The following PRKN variants were observed in gnomAD, a reference collection of about 807,000 sequenced individuals.
The protein encoded by PRKN is parkin RBR E3 ubiquitin protein ligase, also known as E3 ubiquitin-protein ligase parkin.
A neutral mutation model predicts 59.5 loss-of-function variants in PRKN; 56 were observed. The ratio of observed to expected loss-of-function variants is 0.94; its 90% CI spans 0.76 to 1.18. The LOEUF is 1.18. Ranked by LOEUF, PRKN falls within the 50% of genes most tolerant of loss-of-function variation. The probability of loss-of-function intolerance (pLI) is 0.00; values close to 1 mark genes in which losing one functional copy is unlikely to be tolerated. For missense variants in PRKN, 657 were observed against 596.4 expected, an observed-to-expected ratio of 1.10 and a Z score of -1.06; for synonymous variants, 250 against 222.1, an observed-to-expected ratio of 1.13 and a Z score of -1.12.
intron 1 of PRKN, among the ~76,000 whole-genome samples, chr6:162,491,655 C>T (rs907501470): frequency 1.3e-5 from 2 of 152,180 alleles, no homozygotes; most frequent in African/African-American, 4.8e-5. Context: ...GCAGCTGGCT[C>T]AGGGGGTCAG....
At chr6:161,650,567 G>A (rs895546500) in intron 7 of PRKN, among the ~76,000 whole-genome samples, 3 of 152,128 alleles carry the variant, frequency 2.0e-5, no homozygotes, top group Non-Finnish European at 4.4e-5. Context: ...GGAGAGAGAG[G>A]CAGAGAGAAA....
rs74815340 is a variant in PRKN at position 161,825,640 on chromosome 6, G to C, written c.735-39732C>G. ...CTCCCAAGCTTGAATGAAATCTCTTGATCTTCTGGGCATGGGGTTTTGCTT... is the reference window on the plus strand; with the variant it reads ...CTCCCAAGCTTGAATGAAATCTCTTCATCTTCTGGGCATGGGGTTTTGCTT... On this transcript the variant is annotated intron_variant, in intron 6 of 11. Transcript: ENST00000366898. Among the ~76,000 whole-genome samples, 1,270 of 152,292 alleles carry C rather than the reference G, an allele frequency of 8.3e-3. 19 individuals carry two copies. Among genetic ancestry groups the C allele is most frequent in the African/African-American group, 0.029 (1,218 of 41,566 alleles).
Position 161,401,244 on chromosome 6 carries a change from G to C in PRKN, c.1084-14367C>G, listed in dbSNP as rs966499580. Among the ~76,000 whole-genome samples, 1 of 152,134 alleles carries C rather than the reference G, an allele frequency of 6.6e-6. No homozygotes were observed. The highest frequency in any genetic ancestry group is 6.6e-5 in the Admixed American group (1 of 15,264). ...CTTTCATTTGTGATAGTTCAGTCAC[G>C]TCCTGGGGAATTGAGGAGAAGATCC... On this transcript the variant is annotated intron_variant, in intron 9 of 11. Transcript: ENST00000366898. The surrounding 1 kb of genome is among the most constrained non-coding windows in gnomAD (Gnocchi z 4.4).
In PRKN at chr6:161,578,117, G is replaced by A. The variant is rs1188164131; in HGVS notation, c.872-8701C>T. On this transcript the variant is annotated intron_variant, in intron 7 of 11. Coordinates refer to ENST00000366898, the MANE Select transcript of PRKN (RefSeq NM_004562.3). The surrounding 1 kb of genome is among the most constrained non-coding windows in gnomAD (Gnocchi z 4.2). ...AGATGTAGAAAGAGCCAAGTGAGCA[G>A]AGAGCAACCAAAGAGGTATAAAAAA... Among the ~76,000 whole-genome samples the A allele has an allele frequency of 6.6e-6, 1 of 152,104 alleles. No individual in the cohort carries two copies. The highest frequency in any genetic ancestry group is 1.5e-5 in the Non-Finnish European group (1 of 68,034).
chr6:162,262,974 G>T (rs575571289), intron 2 of PRKN, among the ~76,000 whole-genome samples: 1 of 152,158 alleles, frequency 6.6e-6, no homozygotes, highest in East Asian at 1.9e-4. Flanking sequence ...AGAAATTTGG[G>T]AATACGTGAA....
At chr6:161,739,276 C>T (rs1388856184) in intron 7 of PRKN, among the ~76,000 whole-genome samples, 1 of 151,980 alleles carries the variant, frequency 6.6e-6, no homozygotes, top group Non-Finnish European at 1.5e-5. Flanking sequence ...GGTATGGTGG[C>T]GTATGCATGT....
intron 2 of PRKN, among the ~76,000 whole-genome samples, chr6:162,396,188 T>A (rs1787466663): frequency 6.6e-6 from 1 of 152,210 alleles, no homozygotes; most frequent in Admixed American, 6.5e-5. Context: ...TTTGTATATG[T>A]ACTAAACCAG....
At chr6:161,833,113 C>T (rs944696068) in intron 6 of PRKN, among the ~76,000 whole-genome samples, 1 of 152,088 alleles carries the variant, frequency 6.6e-6, no homozygotes, top group South Asian at 2.1e-4. Context: ...ATGGAACAAC[C>T]GGGAGGAAGG....
intron 7 of PRKN, among the ~76,000 whole-genome samples, chr6:161,649,787 C>A (rs1391145315): frequency 1.3e-5 from 2 of 152,222 alleles, no homozygotes; most frequent in South Asian, 2.1e-4. Context: ...CACTCCGCCA[C>A]TGAGTGGTAG....
intron 6 of PRKN, among the ~76,000 whole-genome samples, chr6:161,916,913 T>C (rs1235238262): frequency 6.6e-6 from 1 of 152,176 alleles, no homozygotes. Flanking sequence ...ATTCTCCTCC[T>C]GCCCCAGCCT....
rs908772972 is a variant in PRKN, at chr6:161,451,965, T to C, written c.1084-65088A>G. On this transcript the variant is annotated intron_variant, in intron 9 of 11. Transcript: ENST00000366898. The surrounding 1 kb of genome is among the most constrained non-coding windows in gnomAD (Gnocchi z 5.9). ...TTTACTTTTTTCTTTTCTTTTCTTT[T>C]CTTTTTTTGGGATGGAGTCTCACTC... Among the ~76,000 whole-genome samples, 3 of 151,918 alleles carry C rather than the reference T, an allele frequency of 2.0e-5. No homozygotes were observed. Among genetic ancestry groups the C allele is most frequent in the African/African-American group, 7.3e-5 (3 of 41,206 alleles).
chr6:162,172,480 C>A (rs1783332576), intron 4 of PRKN, among the ~76,000 whole-genome samples: 1 of 152,210 alleles, frequency 6.6e-6, no homozygotes, highest in African/African-American at 2.4e-5. Context: ...ACCCCACACT[C>A]TTACCACAGA....
chr6:162,057,187 C>T (rs1296902714), intron 4 of PRKN, among the ~76,000 whole-genome samples: 2 of 152,080 alleles, frequency 1.3e-5, no homozygotes, highest in South Asian at 2.1e-4. Context: ...AAGAACAAGC[C>T]GTTTCATTTT....
intron 1 of PRKN, among the ~76,000 whole-genome samples, chr6:162,493,405 T>A (rs1792909647): frequency 6.6e-6 from 1 of 152,120 alleles, no homozygotes. Flanking sequence ...AGAATGAAAA[T>A]CAGGCAGCAA....
At position 161,448,030 on chromosome 6, in the gene PRKN, C is replaced by A. The variant is rs577093777; in HGVS notation, c.1084-61153G>T. ...GACTGAATGATGTGGGAGGTAGGGA[C>A]CTTGGTCATTGTTATCTCTTTATAA... On this transcript the variant is annotated intron_variant, in intron 9 of 11. Transcript: ENST00000366898. This position sits in a 1 kb window ranked among gnomAD's most constrained non-coding sequence, Gnocchi z 5.1. 6.6e-6 allele frequency among the ~76,000 whole-genome samples: 1 copy of A among 152,104 alleles called. No homozygotes were observed. The highest frequency in any genetic ancestry group is 1.9e-4 in the East Asian group (1 of 5,190).
intron 10 of PRKN, among the ~76,000 whole-genome samples, chr6:161,365,567 A>T (rs1364268755): frequency 1.3e-5 from 2 of 152,260 alleles, no homozygotes; most frequent in African/African-American, 4.8e-5. Context: ...GCAAATTTAT[A>T]TTAATATGCT....
chr6:161,586,048 G>T (rs1781511563), intron 7 of PRKN, among the ~76,000 whole-genome samples: 1 of 152,110 alleles, frequency 6.6e-6, no homozygotes, highest in African/African-American at 2.4e-5. Flanking sequence ...CAGTTAGGGT[G>T]TCACTCTGTC....
chr6:161,936,209 ATTT>A (rs1203820292), intron 6 of PRKN, among the ~76,000 whole-genome samples: 5 of 137,052 alleles, frequency 3.6e-5, no homozygotes, highest in Non-Finnish European at 3.2e-5. Context: ...TCATGGCAAC[ATTT>A]TTTTTTTTTT....
intron 1 of PRKN, among the ~76,000 whole-genome samples, chr6:162,477,845 C>G (rs1792099787): frequency 6.6e-6 from 1 of 152,196 alleles, no homozygotes; most frequent in Admixed American, 6.5e-5. Context: ...AAGGTCCATT[C>G]AAATTATACC....
Sources: allele counts gnomAD v4.1 joint callset (sites outside exome capture counted in the v4.1 genomes callset), GRCh38; gene constraint gnomAD v4.1.1; non-coding constraint Gnocchi (gnomAD v3.1); transcripts MANE v1.5; gene names NCBI Gene and HGNC (gene_info 2026-07-23, HGNC 2026-07-21).